Variants in CRB1 observed in about 807,000 individuals in gnomAD.
CRB1 encodes the protein crumbs cell polarity complex component 1.
Under a neutral mutation model 120.0 loss-of-function variants are expected in CRB1, and 83 were observed. The ratio of observed to expected loss-of-function variants is 0.69; its 90% CI spans 0.58 to 0.83. The LOEUF is 0.83. Ranked by LOEUF, CRB1 falls within the 40% of genes least tolerant of loss-of-function variation. The pLI is 0.00. For synonymous variants in CRB1, 625 were observed against 612.5 expected (o/e 1.02, Z -0.30); for missense variants, 1,699 against 1,687.6 (o/e 1.01, Z -0.12).
At chr1:197,349,712 T>G (rs1312212818) in intron 4 of CRB1, among the ~76,000 whole-genome samples, 1 of 152,244 alleles carries the variant, frequency 6.6e-6, no homozygotes. Context: ...AAGTTTGGAA[T>G]GCTGTGGCTT....
At chr1:197,426,956 A>G (rs1239150216) in intron 6 of CRB1, among the ~76,000 whole-genome samples, 1 of 152,210 alleles carries the variant, frequency 6.6e-6, no homozygotes, top group Non-Finnish European at 1.5e-5. Flanking sequence ...ATTTCTTTAC[A>G]AAGAATAATT....
At chr1:197,410,899 T>C (rs1663677278) in intron 5 of CRB1, among the ~76,000 whole-genome samples, 2 of 152,344 alleles carry the variant, frequency 1.3e-5, no homozygotes, top group South Asian at 4.1e-4. Flanking sequence ...AGACAGCTGG[T>C]TCTATGCTTG....
intron 11 of CRB1, among the ~76,000 whole-genome samples, chr1:197,448,224 T>A (rs936658923): frequency 4.5e-4 from 69 of 152,072 alleles, no homozygotes; most frequent in Admixed American, 4.5e-3. Flanking sequence ...CACAACAGAG[T>A]TTTTCTTCAT....
intron 1 of CRB1, 23 bp downstream of exon 1, chr1:197,268,505 A>AT: frequency 6.5e-7 from 1 of 1,539,898 alleles, no homozygotes; most frequent in Admixed American, 1.7e-5. Context: ...CACTTTGGGC[A>AT]TTTTTCCTGG....
At chr1:197,342,621 T>G (rs1659535113) in intron 2 of CRB1, among the ~76,000 whole-genome samples, 1 of 152,216 alleles carries the variant, frequency 6.6e-6, no homozygotes, top group Non-Finnish European at 1.5e-5. Context: ...CTCTATATTT[T>G]ATACTCCCAG....
chr1:197,315,508 T>C (rs1432967867), intron 1 of CRB1, among the ~76,000 whole-genome samples: 7 of 152,170 alleles, frequency 4.6e-5, no homozygotes, highest in Non-Finnish European at 1.0e-4. Context: ...CAAAACATGC[T>C]GAGGGGTACA....
At chr1:197,438,201 A>T in intron 9 of CRB1, 1 of 321,444 alleles carries the variant, frequency 3.1e-6, no homozygotes, top group Non-Finnish European at 6.0e-6. Context: ...CAATTTTCCT[A>T]TGGCCTTTAT....
intron 1 of CRB1, among the ~76,000 whole-genome samples, chr1:197,271,010 C>T (rs1654876563): frequency 6.6e-6 from 1 of 152,030 alleles, no homozygotes; most frequent in Non-Finnish European, 1.5e-5. Context: ...GCCTGGGCAA[C>T]ATAACAAGAC....
chr1:197,397,516 GATT>G (rs1450634534), intron 5 of CRB1, among the ~76,000 whole-genome samples: 2 of 152,096 alleles, frequency 1.3e-5, no homozygotes, highest in African/African-American at 4.8e-5. Flanking sequence ...GTACACAAAT[GATT>G]ATTTCTTCTT....
chr1:197,246,099 C>A, the CRB1 span, among the ~76,000 whole-genome samples: 56 of 152,050 alleles, frequency 3.7e-4, no homozygotes, highest in South Asian at 9.8e-3. Flanking sequence ...ATGGGAGGAG[C>A]CTTGTTACCA....
intron 1 of CRB1, among the ~76,000 whole-genome samples, chr1:197,307,733 A>G (rs1657254052): frequency 6.6e-6 from 1 of 152,222 alleles, no homozygotes; most frequent in Admixed American, 6.5e-5. Context: ...TTAATGTATT[A>G]GTACTGGAGG....
intron 1 of CRB1, among the ~76,000 whole-genome samples, chr1:197,322,810 C>A (rs1658280491): frequency 6.6e-6 from 1 of 152,090 alleles, no homozygotes; most frequent in Admixed American, 6.6e-5. Flanking sequence ...AAATGCTGAT[C>A]TAGATAATGT....
the CRB1 span, among the ~76,000 whole-genome samples, chr1:197,246,566 G>A: frequency 6.6e-6 from 1 of 151,748 alleles, no homozygotes; most frequent in East Asian, 1.9e-4. Context: ...AAATGTCCAA[G>A]GTTTCTAGTT....
intron 1 of CRB1, among the ~76,000 whole-genome samples, chr1:197,320,899 T>C (rs999451853): frequency 1.3e-5 from 2 of 152,210 alleles, no homozygotes; most frequent in African/African-American, 4.8e-5. Context: ...AGTAGAGCCA[T>C]CCTTATACTT....
At chr1:197,209,914 G>A in the CRB1 span, among the ~76,000 whole-genome samples, 1 of 152,140 alleles carries the variant, frequency 6.6e-6, no homozygotes, top group Admixed American at 6.6e-5. Flanking sequence ...TCACACTTTG[G>A]GCATTCACAG....
Position 197,341,877 on chromosome 1 carries a change from A to T in CRB1, c.653-2404A>T, listed in dbSNP as rs1386070772. ...TCTTGCTGAAACCACTGTTCCCATG[A>T]GTCCACTAGTGGGACATTTAACTTC... On this transcript the variant is annotated intron_variant, in intron 2 of 11. Transcript: ENST00000367400. 2.6e-5 allele frequency among the ~76,000 whole-genome samples: 4 copies of T among 152,212 alleles called. No homozygotes were observed. In the East Asian group the frequency reaches 7.7e-4, roughly 29 times the overall value.
In CRB1 at chr1:197,427,616, G is replaced by T. The variant is rs375040930; in HGVS notation, c.2291G>T (p.Arg764Leu). ...ALENSTYQYI[R>L]VWLERGRLAM... The stretch of plus-strand genomic sequence containing the variant: ...GAAAACAGCACTTATCAATATATCC[G>T]TGTCTGGCTAGAGCGCGGCAGACTA... Residue 764 changes from arginine to leucine, a missense_variant, in exon 7 of 12, where the codon CGT (arginine) becomes CTT (leucine). Coordinates refer to ENST00000367400, the MANE Select transcript of CRB1 (RefSeq NM_201253.3). 6.2e-7 allele frequency: 1 copy of T among 1,613,798 alleles called. No individual in the cohort carries two copies. Among genetic ancestry groups the T allele is most frequent in the Non-Finnish European group, 8.5e-7 (1 of 1,179,986 alleles).
intron 11 of CRB1, among the ~76,000 whole-genome samples, chr1:197,474,944 G>A (rs533981936): frequency 5.9e-5 from 9 of 152,130 alleles, no homozygotes; most frequent in South Asian, 4.1e-4. Flanking sequence ...CCAACTCTGC[G>A]GTTCTGTTCC....
At chr1:197,336,411 A>T (rs1401495024) in intron 2 of CRB1, among the ~76,000 whole-genome samples, 1 of 151,896 alleles carries the variant, frequency 6.6e-6, no homozygotes, top group Non-Finnish European at 1.5e-5. Flanking sequence ...AAAATATGTT[A>T]TTAAATATAA....
Sources: gnomAD v4.1 joint callset for allele counts (sites outside exome capture counted in the v4.1 genomes callset) on GRCh38, gnomAD v4.1.1 for gene constraint, MANE v1.5 for transcripts, NCBI Gene and HGNC (gene_info 2026-07-23, HGNC 2026-07-21) for gene names.